Variants in ACKR2 observed in about 807,000 individuals in gnomAD.
ACKR2 encodes the protein atypical chemokine receptor 2.
For synonymous variants in ACKR2, 207 were observed against 192.2 expected (o/e 1.08, Z -0.64); for missense variants, 457 against 477.3 (o/e 0.96, Z 0.40).
intron 2 of ACKR2, among the ~76,000 whole-genome samples, chr3:42,833,210 A>G (rs897248404): frequency 3.3e-5 from 5 of 152,242 alleles, no homozygotes; most frequent in African/African-American, 1.2e-4. Context: ...TAAGTTGCCC[A>G]GCCTTAAATT....
intron 2 of ACKR2, among the ~76,000 whole-genome samples, chr3:42,823,269 G>A (rs1700827568): frequency 6.6e-6 from 1 of 152,122 alleles, no homozygotes; most frequent in Non-Finnish European, 1.5e-5. Context: ...GTTTCTTACA[G>A]CATCCCCTCC....
intron 1 of ACKR2, among the ~76,000 whole-genome samples, chr3:42,810,349 A>G (rs983228339): frequency 1.3e-5 from 2 of 152,102 alleles, no homozygotes; most frequent in African/African-American, 2.4e-5. Context: ...CTGATGTGGG[A>G]TATGATAAGA....
chr3:42,864,511 C>T lies in ACKR2; in HGVS notation c.9C>T (p.Ala3=), dbSNP rs1305552788. The change falls in exon 3 of 3, where the codon GCC becomes GCT. Residue 3 remains alanine, a synonymous_variant. Transcript: ENST00000422265. ...GGGCATTTCCTTCCAACATGGCCGC[C>T]ACTGCCTCTCCGCAGCCACTCGCCA... is the stretch of plus-strand genomic sequence containing the variant. MA[A]TASPQPLATE... is the part of the protein sequence containing the mutation. 1 of 1,598,214 alleles carries T rather than the reference C, an allele frequency of 6.3e-7. No homozygotes were observed. The highest frequency in any genetic ancestry group is 1.7e-5 in the Admixed American group (1 of 58,944).
At chr3:42,839,521 C>T (rs990876867) in intron 2 of ACKR2, among the ~76,000 whole-genome samples, 10 of 152,140 alleles carry the variant, frequency 6.6e-5, no homozygotes, top group African/African-American at 2.4e-4. Context: ...TGCAACTGCA[C>T]GTCATCTCGC....
chr3:42,827,027 C>G (rs1242215527), intron 2 of ACKR2, among the ~76,000 whole-genome samples: 1 of 152,002 alleles, frequency 6.6e-6, no homozygotes, highest in Non-Finnish European at 1.5e-5. Context: ...TTTGAATTCC[C>G]CAAATTTTTC....
At chr3:42,849,252 A>C (rs146337103) in intron 2 of ACKR2, among the ~76,000 whole-genome samples, 44 of 152,336 alleles carry the variant, frequency 2.9e-4, no homozygotes, top group African/African-American at 1.1e-3. Context: ...CTAGAATCCC[A>C]GCACGTTGGG....
At chr3:42,824,540 A>G (rs993854721) in intron 2 of ACKR2, among the ~76,000 whole-genome samples, 1 of 152,106 alleles carries the variant, frequency 6.6e-6, no homozygotes, top group Admixed American at 6.5e-5. Context: ...CCATGAATCT[A>G]TTTTGGGTAT....
Position 42,865,265 on chromosome 3 carries a change from T to A in ACKR2, c.763T>A (p.Leu255Met), listed in dbSNP as rs753637859. ...CCGGGCTTTAAAAATAGCTGCAGCC[T>A]TGGTGGTGGCCTTCTTCGTGCTATG... ...QGRALKIAAA[L>M]VVAFFVLWFP... is the part of the protein sequence containing the mutation. The change falls in exon 3 of 3, where the codon TTG becomes ATG. Residue 255 changes from leucine to methionine, a missense_variant. Transcript: ENST00000422265. 2 of 1,614,184 alleles carry A rather than the reference T, an allele frequency of 1.2e-6. No homozygotes were observed. The highest frequency in any genetic ancestry group is 1.7e-5 in the Admixed American group (1 of 60,024).
chr3:42,865,747 G>A lies in ACKR2; in HGVS notation c.*90G>A. On this transcript the variant is annotated 3_prime_UTR_variant, in exon 3 of 3. Coordinates refer to ENST00000422265, the MANE Select transcript of ACKR2 (RefSeq NM_001296.5). ...GCTCTCTCCAGGGGCCTCAGTGACT[G>A]TGTTGCTAAACCCAGTGGTCAGTTC... 1 of 1,062,112 alleles carries A rather than the reference G, an allele frequency of 9.4e-7. No homozygotes were observed. The highest frequency in any genetic ancestry group is 1.4e-6 in the Non-Finnish European group (1 of 733,322). 65.8% of individuals were successfully genotyped at this position (1,062,112 alleles called of 1,614,324 possible).
chr3:42,849,548 A>G (rs985331572), intron 2 of ACKR2, among the ~76,000 whole-genome samples: 1 of 152,156 alleles, frequency 6.6e-6, no homozygotes, highest in Non-Finnish European at 1.5e-5. Flanking sequence ...AGTTTAATTG[A>G]GCAAAGAACA....
intron 2 of ACKR2, chr3:42,835,717 G>A (rs75883510): frequency 0.037 from 5,610 of 152,280 alleles, 181 homozygotes; most frequent in African/African-American, 0.083. Context: ...CAGTCTCAGC[G>A]TCTGCTCTCT....
At chr3:42,856,059 C>T (rs2088314950) in intron 2 of ACKR2, 2 of 318,250 alleles carry the variant, frequency 6.3e-6, no homozygotes, top group African/African-American at 4.3e-5. Context: ...CTCACAGGCT[C>T]CCAGCACCAG....
chr3:42,847,363 G>A (rs1701109495), intron 2 of ACKR2, among the ~76,000 whole-genome samples: 1 of 152,182 alleles, frequency 6.6e-6, no homozygotes, highest in East Asian at 1.9e-4. Context: ...GAAGAGGTGA[G>A]AGGAGCATCA....
chr3:42,857,872 C>T (rs973024068), intron 2 of ACKR2, among the ~76,000 whole-genome samples: 6 of 152,198 alleles, frequency 3.9e-5, no homozygotes, highest in African/African-American at 1.2e-4. Flanking sequence ...CTTGAGTAGG[C>T]GGTTTTCCCC....
At chr3:42,823,821 G>T (rs1421425122) in intron 2 of ACKR2, among the ~76,000 whole-genome samples, 1 of 152,186 alleles carries the variant, frequency 6.6e-6, no homozygotes, top group Non-Finnish European at 1.5e-5. Flanking sequence ...TCAAATAAAG[G>T]TAATTAGTCC....
intron 2 of ACKR2, among the ~76,000 whole-genome samples, chr3:42,855,004 G>A (rs1454447644): frequency 1.3e-5 from 2 of 151,944 alleles, no homozygotes; most frequent in Non-Finnish European, 2.9e-5. Context: ...TTACAGGTGT[G>A]CACTACCATG....
Position 42,828,093 on chromosome 3 carries a change from T to TATATA in ACKR2, c.-38+8382_-38+8383insATATA, listed in dbSNP as rs1553699769. Among the ~76,000 whole-genome samples the TATATA allele has an allele frequency of 5.1e-3, 358 of 70,596 alleles. 1 individual carries two copies. The highest frequency in any genetic ancestry group is 7.6e-3 in the South Asian group (15 of 1,968). 46.3% of individuals were successfully genotyped at this position (70,596 alleles called of 152,430 possible). ...CTTGCATTATATATATATATATATA[T>TATATA]TTTTTTTTTTTTCTTTTCTTTTCTT... is the stretch of plus-strand genomic sequence containing the variant. On this transcript the variant is annotated intron_variant, in intron 2 of 2. Coordinates refer to ENST00000422265, the MANE Select transcript of ACKR2 (RefSeq NM_001296.5).
chr3:42,838,768 T>G (rs1701008486), intron 2 of ACKR2, among the ~76,000 whole-genome samples: 1 of 152,190 alleles, frequency 6.6e-6, no homozygotes, highest in African/African-American at 2.4e-5. Context: ...TGTGGCAGAT[T>G]TATTTGTTGA....
chr3:42,817,102 T>A (rs1434596000), intron 1 of ACKR2, among the ~76,000 whole-genome samples: 1 of 152,192 alleles, frequency 6.6e-6, no homozygotes, highest in African/African-American at 2.4e-5. Flanking sequence ...ATATGCCTTA[T>A]AGGATAGCAT....
Sources: allele counts gnomAD v4.1 joint callset (sites outside exome capture counted in the v4.1 genomes callset), GRCh38; gene constraint gnomAD v4.1.1; transcripts MANE v1.5; gene names NCBI Gene and HGNC (gene_info 2026-07-23, HGNC 2026-07-21).